The following PRKN variants were observed in gnomAD, a reference collection of about 807,000 sequenced individuals.
PRKN encodes E3 ubiquitin-protein ligase parkin.
Under a neutral mutation model 59.5 loss-of-function variants are expected in PRKN, and 56 were observed. The observed-to-expected ratio is 0.94, with a 90% CI of 0.76 to 1.18. The LOEUF (loss-of-function observed/expected upper bound fraction) is 1.18. PRKN is among the 50% of genes most tolerant of loss of function. The probability of loss-of-function intolerance (pLI) is 0.00; values close to 1 mark genes in which losing one functional copy is unlikely to be tolerated. For synonymous variants in PRKN, 250 were observed against 222.1 expected (o/e 1.13, Z -1.12); for missense variants, 657 against 596.4 (o/e 1.10, Z -1.06).
chr6:161,742,921 C>A (rs1240515173), intron 7 of PRKN, among the ~76,000 whole-genome samples: 1 of 152,132 alleles, frequency 6.6e-6, no homozygotes, highest in East Asian at 1.9e-4. Flanking sequence ...GAGAAGAGTC[C>A]AGGTTTCCAA....
intron 6 of PRKN, among the ~76,000 whole-genome samples, chr6:161,824,645 CA>C (rs1792166478): frequency 6.6e-6 from 1 of 152,142 alleles, no homozygotes; most frequent in Non-Finnish European, 1.5e-5. Context: ...AAAATGCCTG[CA>C]GAAGCAAGTG....
chr6:161,398,505 A>G (rs750315930), intron 9 of PRKN, among the ~76,000 whole-genome samples: 5 of 152,162 alleles, frequency 3.3e-5, no homozygotes, highest in Non-Finnish European at 7.3e-5. Flanking sequence ...TGCACCATTT[A>G]GAGACCCTGT....
chr6:162,513,245 G>C (rs971302276), intron 1 of PRKN, among the ~76,000 whole-genome samples: 1 of 152,082 alleles, frequency 6.6e-6, no homozygotes, highest in East Asian at 1.9e-4. Flanking sequence ...TTGGGAGGTC[G>C]AGGCAGGCAG....
chr6:162,235,949 GGA>G (rs1778653159), intron 3 of PRKN, among the ~76,000 whole-genome samples: 1 of 75,894 alleles, frequency 1.3e-5, no homozygotes, highest in Non-Finnish European at 2.3e-5. Context: ...AAGGAAGGAA[GGA>G]AGAAAGGAAG....
At chr6:162,615,734 A>T (rs1036133978) in intron 1 of PRKN, among the ~76,000 whole-genome samples, 1 of 152,234 alleles carries the variant, frequency 6.6e-6, no homozygotes, top group African/African-American at 2.4e-5. Flanking sequence ...GCTTTACAGG[A>T]ACTGAAAAAT....
chr6:162,432,436 G>C (rs1475654323), intron 2 of PRKN, among the ~76,000 whole-genome samples: 1 of 152,070 alleles, frequency 6.6e-6, no homozygotes, highest in African/African-American at 2.4e-5. Flanking sequence ...TGAGGCAGGA[G>C]AATCGCTTGA....
chr6:161,525,165 G>A lies in PRKN; in HGVS notation c.1083+23689C>T, dbSNP rs1333250075. ...TGTGTGTGTGTGTATGTGTGTGTGA[G>A]TAGGGTTCTGTGTGAGATGGACGGG... On this transcript the variant is annotated intron_variant, in intron 9 of 11. Coordinates refer to ENST00000366898, the MANE Select transcript of PRKN (RefSeq NM_004562.3). This position sits in a 1 kb window ranked among gnomAD's most constrained non-coding sequence, Gnocchi z 4.7. 6.6e-6 allele frequency among the ~76,000 whole-genome samples: 1 copy of A among 152,008 alleles called. No individual in the cohort carries two copies. The highest frequency in any genetic ancestry group is 2.4e-5 in the African/African-American group (1 of 41,398).
intron 7 of PRKN, among the ~76,000 whole-genome samples, chr6:161,657,894 G>A (rs530327466): frequency 6.6e-6 from 1 of 151,476 alleles, no homozygotes; most frequent in Non-Finnish European, 1.5e-5. Context: ...CTGGCATGGT[G>A]GCAGGTGCCC....
Position 161,373,330 on chromosome 6 carries a change from A to C in PRKN, c.1168-13125T>G, listed in dbSNP as rs1392053628. ...TGTGGCCCAGCTACATTGACACAGAAAATTACCCATCACAGCTAGGCTGAA... is the reference window on the plus strand; with the variant it reads ...TGTGGCCCAGCTACATTGACACAGACAATTACCCATCACAGCTAGGCTGAA... On this transcript the variant is annotated intron_variant, in intron 10 of 11. Transcript: ENST00000366898. The surrounding 1 kb of genome is among the most constrained non-coding windows in gnomAD (Gnocchi z 4.8). Among the ~76,000 whole-genome samples the C allele has an allele frequency of 6.6e-6, 1 of 152,110 alleles. No individual in the cohort carries two copies. The highest frequency in any genetic ancestry group is 1.5e-5 in the Non-Finnish European group (1 of 68,024).
chr6:162,159,888 A>G (rs895082863), intron 4 of PRKN, among the ~76,000 whole-genome samples: 9 of 152,220 alleles, frequency 5.9e-5, no homozygotes, highest in Non-Finnish European at 8.8e-5. Context: ...GATCAATTAA[A>G]TTGATCTGAT....
chr6:162,016,179 G>C (rs1433247341), intron 5 of PRKN, among the ~76,000 whole-genome samples: 2 of 151,882 alleles, frequency 1.3e-5, no homozygotes, highest in Non-Finnish European at 2.9e-5. Flanking sequence ...CCATAGCAAA[G>C]GCGACACATC....
At chr6:162,661,306 C>T (rs1399147232) in intron 1 of PRKN, among the ~76,000 whole-genome samples, 1 of 152,032 alleles carries the variant, frequency 6.6e-6, no homozygotes, top group Non-Finnish European at 1.5e-5. Context: ...CCACCACTGA[C>T]TTCAGTATCT....
rs537468206 is a variant in PRKN at position 162,717,830 on chromosome 6, T to A, written c.7+9832A>T. Among the ~76,000 whole-genome samples, 268 of 152,352 alleles carry A rather than the reference T, an allele frequency of 1.8e-3. 1 individual carries two copies. Among genetic ancestry groups the A allele is most frequent in the African/African-American group, 6.3e-3 (261 of 41,582 alleles). On this transcript the variant is annotated intron_variant, in intron 1 of 11. Transcript: ENST00000366898. Reference sequence around the variant, plus strand: ...ATAGTATGCTACCATTGAAAATTTATCTGACATAATTTGACACAAAAGTAG... The same window carrying A: ...ATAGTATGCTACCATTGAAAATTTAACTGACATAATTTGACACAAAAGTAG...
At chr6:161,669,248 G>C (rs764073928) in intron 7 of PRKN, among the ~76,000 whole-genome samples, 2 of 152,324 alleles carry the variant, frequency 1.3e-5, no homozygotes, top group South Asian at 2.1e-4. Context: ...GTGAGAAATA[G>C]ATGTTGTTGT....
chr6:161,532,582 G>A (rs1188771808), intron 9 of PRKN, among the ~76,000 whole-genome samples: 2 of 152,126 alleles, frequency 1.3e-5, no homozygotes, highest in Non-Finnish European at 2.9e-5. Context: ...TTATAAATTA[G>A]CTTTGTGGGG....
chr6:162,480,761 A>G (rs1248363082), intron 1 of PRKN, among the ~76,000 whole-genome samples: 2 of 151,984 alleles, frequency 1.3e-5, no homozygotes, highest in Non-Finnish European at 2.9e-5. Context: ...AAACCCAATC[A>G]TTACCCTTTT....
intron 6 of PRKN, among the ~76,000 whole-genome samples, chr6:161,826,167 T>A (rs6931587): frequency 0.31 from 47,738 of 152,024 alleles, 8,028 homozygotes; most frequent in Middle Eastern, 0.38. Context: ...CGAAGATTCA[T>A]ACCAAAACAT....
chr6:162,338,329 ACTG>A (rs1783945907), intron 2 of PRKN, among the ~76,000 whole-genome samples: 1 of 151,972 alleles, frequency 6.6e-6, no homozygotes, highest in Non-Finnish European at 1.5e-5. Context: ...GCTGGACTGT[ACTG>A]CTGCCATCTC....
At chr6:162,424,872 G>A (rs1789156489) in intron 2 of PRKN, among the ~76,000 whole-genome samples, 1 of 152,032 alleles carries the variant, frequency 6.6e-6, no homozygotes, top group African/African-American at 2.4e-5. Context: ...ATTTTGCTGT[G>A]AACCCAGAAC....
Sources: allele counts gnomAD v4.1 joint callset (sites outside exome capture counted in the v4.1 genomes callset), GRCh38; gene constraint gnomAD v4.1.1; non-coding constraint Gnocchi (gnomAD v3.1); transcripts MANE v1.5; gene names NCBI Gene and HGNC (gene_info 2026-07-23, HGNC 2026-07-21).